The following MAP2K3 variants were observed in gnomAD, a reference collection of about 807,000 sequenced individuals.
MAP2K3 encodes the protein mitogen-activated protein kinase kinase 3, also known as dual specificity mitogen-activated protein kinase kinase 3.
MAP2K3 carries 30 observed loss-of-function variants against 46.4 expected under a neutral mutation model. The observed-to-expected ratio is 0.65, with a 90% CI of 0.48 to 0.88. MAP2K3 has a LOEUF of 0.88. MAP2K3 is among the 40% of genes least tolerant of loss of function. The pLI is 0.00. For missense variants in MAP2K3, 380 were observed against 464.5 expected, an observed-to-expected ratio of 0.82 and a Z score of 1.67; for synonymous variants, 189 against 176.3, an observed-to-expected ratio of 1.07 and a Z score of -0.57.
chr17:21,289,341 G>A (rs1294414558), intron 1 of MAP2K3, among the ~76,000 whole-genome samples: 1 of 152,142 alleles, frequency 6.6e-6, no homozygotes, highest in Non-Finnish European at 1.5e-5. Flanking sequence ...GGGAAGGTGG[G>A]GTGGGACTGG....
At position 21,300,998 on chromosome 17, in the gene MAP2K3, G is replaced by A. The variant is rs748159388; in HGVS notation, c.399+5G>A. ...TACGGGGCACTATTCAGAGAGGTGC[G>A]TCCTTGCATGATGCAGCTGGGGATC... is the stretch of plus-strand genomic sequence containing the variant. On this transcript the variant is annotated splice_donor_5th_base_variant and intron_variant, in intron 5 of 11. Coordinates refer to ENST00000342679, the MANE Select transcript of MAP2K3 (RefSeq NM_145109.3). 1.6e-5 allele frequency: 26 copies of A among 1,613,926 alleles called. No homozygotes were observed. Among genetic ancestry groups the A allele is most frequent in the Non-Finnish European group, 1.8e-5 (21 of 1,179,982 alleles).
intron 6 of MAP2K3, 74 bp downstream of exon 6, chr17:21,302,333 A>G: frequency 6.8e-7 from 1 of 1,461,432 alleles, no homozygotes; most frequent in Non-Finnish European, 9.6e-7. Flanking sequence ...GCAGGCATGG[A>G]GCCTGCCTAT....
chr17:21,288,064 A>T (rs767809043), intron 1 of MAP2K3: 46 of 1,289,130 alleles, frequency 3.6e-5, no homozygotes, highest in Non-Finnish European at 4.2e-5. Flanking sequence ...GTGTGAGGAG[A>T]AGGCCGGGGC....
chr17:21,300,752 A>G, intron 4 of MAP2K3, 94 bp downstream of exon 4: 1 of 1,606,040 alleles, frequency 6.2e-7, no homozygotes, highest in South Asian at 1.1e-5. Context: ...AGTGATCAGT[A>G]CCGAGGCTAG....
At position 21,314,566 on chromosome 17, in the gene MAP2K3, G is replaced by C. The variant is rs1014575332; in HGVS notation, c.*336G>C. 8.7e-5 allele frequency: 28 copies of C among 322,340 alleles called. No individual in the cohort carries two copies. Among genetic ancestry groups the C allele is most frequent in the African/African-American group, 5.7e-4 (27 of 46,966 alleles). The allele number at this position is 322,340 out of a possible 1,614,324, so 20.0% of individuals were successfully genotyped here. Reference sequence around the variant, plus strand: ...CTGCACAGCAGGCTGCCAGTGCCTGGGTGGATGGGCCACCGCCTTGCCCAG... The same window carrying C: ...CTGCACAGCAGGCTGCCAGTGCCTGCGTGGATGGGCCACCGCCTTGCCCAG... On this transcript the variant is annotated 3_prime_UTR_variant, in exon 12 of 12. Transcript: ENST00000342679.
rs1597819586 is a variant in MAP2K3 at position 21,302,204 on chromosome 17, T to G, written c.461T>G (p.Val154Gly). Reference protein sequence around the residue: ...DTSLDKFYRKVLDKNMTIPED... With the variant: ...DTSLDKFYRKGLDKNMTIPED... The stretch of plus-strand genomic sequence containing the variant: ...TCCTTGGACAAGTTCTACCGGAAGG[T>G]GCTGGATAAAAACATGACAATTCCA... Residue 154 changes from valine to glycine, a missense_variant, in exon 6 of 12, where the codon GTG becomes GGG. By Grantham distance (109) the Val-to-Gly change is moderately radical (BLOSUM62 -3). Around this residue, in one of 5 missense-constraint regions of MAP2K3, gnomAD observed 294 missense variants for 275.4 expected, o/e 1.07. Transcript: ENST00000342679. The G allele has an allele frequency of 6.4e-7, 1 of 1,550,532 alleles. No individual in the cohort carries two copies. The highest frequency in any genetic ancestry group is 8.8e-7 in the Non-Finnish European group (1 of 1,139,228).
rs746213995 is a variant in MAP2K3 at position 21,304,090 on chromosome 17, G to C, written c.569-336G>C. On this transcript the variant is annotated intron_variant, in intron 7 of 11. Transcript: ENST00000342679. ...CCTCTGGGAGCACCCACACAAGCCA[G>C]GCTCTCACTGGACCTCATGTCTGGA... Among the ~76,000 whole-genome samples the C allele has an allele frequency of 7.5e-4, 114 of 152,378 alleles. No individual in the cohort carries two copies. In the South Asian group the frequency reaches 7.9e-3, roughly 11 times the overall value.
intron 1 of MAP2K3, among the ~76,000 whole-genome samples, chr17:21,294,296 C>T (rs573137990): frequency 1.3e-5 from 2 of 152,426 alleles, no homozygotes; most frequent in South Asian, 2.1e-4. Flanking sequence ...CTGGAACATC[C>T]GGAAGTCAGG....
At chr17:21,310,260 CG>C (rs1977101838) in intron 9 of MAP2K3, among the ~76,000 whole-genome samples, 3 of 151,770 alleles carry the variant, frequency 2.0e-5, no homozygotes, top group East Asian at 3.9e-4. Context: ...CTGCCTGCCT[CG>C]GCCTCCCAAA....
intron 1 of MAP2K3, among the ~76,000 whole-genome samples, chr17:21,289,538 A>C (rs1975823578): frequency 1.3e-5 from 2 of 152,132 alleles, no homozygotes; most frequent in Admixed American, 6.5e-5. Flanking sequence ...AGGACACAGC[A>C]TTGTGGCAGG....
intron 1 of MAP2K3, chr17:21,295,946 C>CCTGGGGGTA (rs1250004247): frequency 8.0e-7 from 1 of 1,248,326 alleles, no homozygotes; most frequent in African/African-American, 1.5e-5. Flanking sequence ...GGGGCAAGGT[C>CCTGGGGGTA]AAGGCCCAGG....
rs187054961 is a variant in MAP2K3 at position 21,285,699 on chromosome 17, C to A, written c.49+730C>A. Reference sequence around the variant, plus strand: ...CTCTGTCTTGAGTTGCAAGCTTCTCCCTGCACTGGGGGTTCTCACCCCATC... The same window carrying A: ...CTCTGTCTTGAGTTGCAAGCTTCTCACTGCACTGGGGGTTCTCACCCCATC... On this transcript the variant is annotated intron_variant, in intron 1 of 11. Coordinates refer to ENST00000342679, the MANE Select transcript of MAP2K3 (RefSeq NM_145109.3). Among the ~76,000 whole-genome samples, 344 of 152,262 alleles carry A rather than the reference C, an allele frequency of 2.3e-3. 1 individual carries two copies. The highest frequency in any genetic ancestry group is 3.9e-3 in the Non-Finnish European group (267 of 68,020).
Position 21,284,824 on chromosome 17 carries a change from C to T in MAP2K3, c.-97C>T. ...CGCCGCCGCTGCTCCTCCGCCTGGC[C>T]TGGGCCGTCTGCCCGCAGCCATGAG... is the stretch of plus-strand genomic sequence containing the variant. On this transcript the variant is annotated 5_prime_UTR_variant, in exon 1 of 12. Transcript: ENST00000342679. 7 of 1,409,818 alleles carry T rather than the reference C, an allele frequency of 5.0e-6. No individual in the cohort carries two copies. The highest frequency in any genetic ancestry group is 6.7e-6 in the Non-Finnish European group (7 of 1,041,470). The allele number at this position is 1,409,818 out of a possible 1,614,324, so 87.3% of individuals were successfully genotyped here. A position where few individuals can be genotyped will look rare whatever the true frequency, so the allele number is the denominator to read the frequency against.
intron 9 of MAP2K3, among the ~76,000 whole-genome samples, chr17:21,308,427 C>T (rs1240165290): frequency 3.3e-5 from 5 of 152,418 alleles, no homozygotes; most frequent in South Asian, 2.1e-4. Flanking sequence ...GGATTACAGG[C>T]GTGAACCACC....
chr17:21,302,510 C>T (rs1976665224), intron 6 of MAP2K3, among the ~76,000 whole-genome samples: 1 of 152,310 alleles, frequency 6.6e-6, no homozygotes, highest in African/African-American at 2.4e-5. Flanking sequence ...GGTGTCTGAG[C>T]CATTGATTCC....
intron 1 of MAP2K3, among the ~76,000 whole-genome samples, chr17:21,291,872 C>T (rs1417779620): frequency 6.6e-6 from 1 of 152,312 alleles, no homozygotes; most frequent in Non-Finnish European, 1.5e-5. Flanking sequence ...CAACTCCGGA[C>T]CCTTGCTCAT....
chr17:21,307,839 G>A (rs1231413865), intron 9 of MAP2K3, among the ~76,000 whole-genome samples: 2 of 134,950 alleles, frequency 1.5e-5, no homozygotes, highest in Non-Finnish European at 3.0e-5. Flanking sequence ...CACCATGCCC[G>A]GCTATCTTTT....
At position 21,303,098 on chromosome 17, in the gene MAP2K3, GA is replaced by G. The variant is rs997305997; in HGVS notation, c.517-84del. The G allele has an allele frequency of 4.3e-5, 68 of 1,565,036 alleles. No individual in the cohort carries two copies. The African/African-American group carries it at 8.6e-4, about 20-fold the overall frequency. ...CGGGAGCGGGAGACAGGTGGACATG[GA>G]TGGGGTCTTACTGCTCTGTCGTTTT... is the stretch of plus-strand genomic sequence containing the variant. On this transcript the variant is annotated intron_variant, in intron 6 of 11. Coordinates refer to ENST00000342679, the MANE Select transcript of MAP2K3 (RefSeq NM_145109.3).
At chr17:21,293,042 G>T (rs532807966) in intron 1 of MAP2K3, among the ~76,000 whole-genome samples, 1 of 152,310 alleles carries the variant, frequency 6.6e-6, no homozygotes, top group Non-Finnish European at 1.5e-5. Context: ...GGCCAGGCAC[G>T]CAGAGGACAC....
Sources: allele counts gnomAD v4.1 joint callset (sites outside exome capture counted in the v4.1 genomes callset), GRCh38; gene constraint gnomAD v4.1.1; regional missense constraint gnomAD v4.1.1; transcripts MANE v1.5; gene names NCBI Gene and HGNC (gene_info 2026-07-23, HGNC 2026-07-21).